The following KCND2 variants were observed in gnomAD, a reference collection of about 807,000 sequenced individuals.
The protein encoded by KCND2 is potassium voltage-gated channel subfamily D member 2, also known as A-type voltage-gated potassium channel KCND2.
A neutral mutation model predicts 54.4 loss-of-function variants in KCND2; 16 were observed. The observed-to-expected ratio is 0.29, with a 90% CI of 0.20 to 0.45. The LOEUF is 0.45. Among genes scored for constraint, KCND2 ranks in the 20% least tolerant of loss-of-function variants. KCND2 has a pLI of 1.00. For missense variants in KCND2, 486 were observed against 824.2 expected, an observed-to-expected ratio of 0.59 and a Z score of 5.02; for synonymous variants, 317 against 310.7, an observed-to-expected ratio of 1.02 and a Z score of -0.21.
At chr7:120,507,429 T>A (rs1803042401) in intron 1 of KCND2, among the ~76,000 whole-genome samples, 1 of 151,910 alleles carries the variant, frequency 6.6e-6, no homozygotes, top group Non-Finnish European at 1.5e-5. Flanking sequence ...GGGTAAAGAC[T>A]ACCTCTTTCA....
At chr7:120,664,442 C>G (rs1189928047) in intron 1 of KCND2, among the ~76,000 whole-genome samples, 1 of 150,440 alleles carries the variant, frequency 6.6e-6, no homozygotes, top group African/African-American at 2.5e-5. Flanking sequence ...CATATAATAA[C>G]TTATTTAATA....
chr7:120,365,799 G>C (rs897933792), intron 1 of KCND2, among the ~76,000 whole-genome samples: 1 of 152,122 alleles, frequency 6.6e-6, no homozygotes, highest in Non-Finnish European at 1.5e-5. Flanking sequence ...AAGCTCTATG[G>C]ATAGTGTTAA....
intron 1 of KCND2, among the ~76,000 whole-genome samples, chr7:120,279,379 C>G (rs1043099621): frequency 6.6e-6 from 1 of 151,754 alleles, no homozygotes; most frequent in South Asian, 2.1e-4. Flanking sequence ...TAATATAAAA[C>G]TTAAGAATTT....
In KCND2 at chr7:120,335,632, C is replaced by T. The variant is rs184929012; in HGVS notation, c.1115+59885C>T. Among the ~76,000 whole-genome samples the T allele has an allele frequency of 2.7e-3, 414 of 151,594 alleles. 2 individuals carry two copies. The highest frequency in any genetic ancestry group is 9.5e-3 in the African/African-American group (394 of 41,358). On this transcript the variant is annotated intron_variant, in intron 1 of 5. Transcript: ENST00000331113. ...TCCTGGGTAGCTGGGACTACAGGCG[C>T]CCCCCACCACGCCTGGCTAATTTTT... is the stretch of plus-strand genomic sequence containing the variant.
chr7:120,273,036 C>T (rs1372146344), upstream of KCND2, among the ~76,000 whole-genome samples: 1 of 152,020 alleles, frequency 6.6e-6, no homozygotes, highest in African/African-American at 2.4e-5. Context: ...CGCTTTTCTC[C>T]CCAGCAGATC....
intron 1 of KCND2, among the ~76,000 whole-genome samples, chr7:120,359,357 C>G (rs957444112): frequency 2.0e-5 from 3 of 151,882 alleles, no homozygotes; most frequent in Non-Finnish European, 4.4e-5. Flanking sequence ...CTCTGATGGC[C>G]TTTGACCTTT....
intron 1 of KCND2, among the ~76,000 whole-genome samples, chr7:120,566,245 T>C (rs949410722): frequency 6.6e-6 from 1 of 152,254 alleles, no homozygotes; most frequent in Non-Finnish European, 1.5e-5. Flanking sequence ...TTGATCTCAT[T>C]ATTCTAAATT....
chr7:120,670,925 A>AG (rs1791985120), intron 1 of KCND2, among the ~76,000 whole-genome samples: 1 of 151,736 alleles, frequency 6.6e-6, no homozygotes, highest in African/African-American at 2.4e-5. Context: ...CAAAAAAAAA[A>AG]AAAAAGAAAG....
chr7:120,732,860 C>T, intron 1 of KCND2, 43 bp from the exon 2 acceptor site: 1 of 1,535,866 alleles, frequency 6.5e-7, no homozygotes, highest in East Asian at 2.3e-5. Context: ...AAATGTCTTT[C>T]TGTGACTTAA....
At chr7:120,370,778 C>T (rs1800753965) in intron 1 of KCND2, among the ~76,000 whole-genome samples, 1 of 152,018 alleles carries the variant, frequency 6.6e-6, no homozygotes, top group African/African-American at 2.4e-5. Context: ...TGCTCATAAT[C>T]TGTACTGTTC....
At chr7:120,616,206 T>A (rs1019770742) in intron 1 of KCND2, among the ~76,000 whole-genome samples, 1 of 152,228 alleles carries the variant, frequency 6.6e-6, no homozygotes, top group African/African-American at 2.4e-5. Context: ...ATTAAAATTC[T>A]ATTTGCCATT....
At chr7:120,537,921 C>T (rs562038870) in intron 1 of KCND2, among the ~76,000 whole-genome samples, 1 of 152,160 alleles carries the variant, frequency 6.6e-6, no homozygotes, top group Non-Finnish European at 1.5e-5. Flanking sequence ...AAGGCTGTTT[C>T]ACTTTATTAT....
intron 1 of KCND2, among the ~76,000 whole-genome samples, chr7:120,541,214 CT>C (rs2116380830): frequency 6.6e-6 from 1 of 152,248 alleles, no homozygotes; most frequent in East Asian, 1.9e-4. Context: ...CACCAAATTT[CT>C]GTCCTTATTT....
chr7:120,501,883 T>C (rs905376679), intron 1 of KCND2, among the ~76,000 whole-genome samples: 2 of 152,104 alleles, frequency 1.3e-5, no homozygotes, highest in Non-Finnish European at 2.9e-5. Context: ...AGAAGAAAAA[T>C]GTTTTGACTA....
At chr7:120,694,897 C>A (rs1792315465) in intron 1 of KCND2, among the ~76,000 whole-genome samples, 1 of 152,132 alleles carries the variant, frequency 6.6e-6, no homozygotes, top group Non-Finnish European at 1.5e-5. Context: ...TGTCATTTCT[C>A]CCTAACCTCA....
chr7:120,660,666 G>T (rs963689745), intron 1 of KCND2, among the ~76,000 whole-genome samples: 12 of 152,178 alleles, frequency 7.9e-5, no homozygotes, highest in African/African-American at 2.9e-4. Flanking sequence ...GTATCAATGG[G>T]ATTAGTATAA....
At chr7:120,589,589 G>C (rs1245741244) in intron 1 of KCND2, among the ~76,000 whole-genome samples, 1 of 152,000 alleles carries the variant, frequency 6.6e-6, no homozygotes. Flanking sequence ...TAATTTTAAT[G>C]ATCATTAACT....
intron 1 of KCND2, among the ~76,000 whole-genome samples, chr7:120,575,185 T>C (rs1792415132): frequency 6.6e-6 from 1 of 152,062 alleles, no homozygotes; most frequent in Non-Finnish European, 1.5e-5. Context: ...GGTTCCACAA[T>C]AGGCCGTCTG....
intron 1 of KCND2, among the ~76,000 whole-genome samples, chr7:120,659,556 T>C (rs991366091): frequency 3.3e-5 from 5 of 152,202 alleles, no homozygotes; most frequent in Non-Finnish European, 7.3e-5. Context: ...TACATTTACA[T>C]TGCAATTGTG....
Sources: allele counts gnomAD v4.1 joint callset (sites outside exome capture counted in the v4.1 genomes callset), GRCh38; gene constraint gnomAD v4.1.1; transcripts MANE v1.5; gene names NCBI Gene and HGNC (gene_info 2026-07-23, HGNC 2026-07-21).